USP39: variants seen among roughly 807,000 people sequenced by gnomAD.
USP39 encodes ubiquitin carboxyl-terminal hydrolase 39.
A neutral mutation model predicts 66.4 loss-of-function variants in USP39; 38 were observed. The observed-to-expected ratio is 0.57, with a 90% confidence interval of 0.44 to 0.75. USP39 has a LOEUF of 0.75. USP39 is among the 30% of genes least tolerant of loss of function. The pLI is 0.00. For synonymous variants in USP39, 303 were observed against 274.6 expected (o/e 1.10, Z -1.02); for missense variants, 608 against 714.4 (o/e 0.85, Z 1.70).
chr2:85,611,854 C>G (rs1573379361), upstream of USP39: 1 of 1,598,140 alleles, frequency 6.3e-7, no homozygotes, highest in African/African-American at 1.3e-5. Context: ...GTGGTGGCGG[C>G]GGCGGCGCAG....
chr2:85,643,220 G>C (rs1676377084), intron 10 of USP39, among the ~76,000 whole-genome samples: 1 of 152,166 alleles, frequency 6.6e-6, no homozygotes, highest in Admixed American at 6.6e-5. Context: ...ACCAGGCACG[G>C]TGGCTCACAC....
chr2:85,633,620 T>TA (rs1675537806), intron 6 of USP39, among the ~76,000 whole-genome samples: 1 of 151,912 alleles, frequency 6.6e-6, no homozygotes, highest in Non-Finnish European at 1.5e-5. Context: ...TTTTAAAAAT[T>TA]ACCCAGGCAT....
Position 85,616,282 on chromosome 2 carries a change from G to GCGGGAGCGAGAT in USP39, c.96_107dup (p.Asp33_Arg36dup), listed in dbSNP as rs951898426. ...CGCGGGGCAGCTCCGGTCGCGTCAA[G>GCGGGAGCGAGAT]CGGGAGCGAGATCGGGAGCGGGAGC... On this transcript the variant is annotated inframe_insertion, in exon 1 of 13. Coordinates refer to ENST00000323701, the MANE Select transcript of USP39 (RefSeq NM_006590.4). 2 of 1,559,262 alleles carry GCGGGAGCGAGAT rather than the reference G, an allele frequency of 1.3e-6. No homozygotes were observed. The highest frequency in any genetic ancestry group is 8.7e-7 in the Non-Finnish European group (1 of 1,150,674).
rs113074652 is a variant in USP39 at position 85,644,866 on chromosome 2, T to C, written c.1428-82T>C. The stretch of plus-strand genomic sequence containing the variant: ...GGTCCTAAAATAGGGCTGAACAATT[T>C]TGTGGTCCGTTTGTGTAGGACAGTT... On this transcript the variant is annotated intron_variant, in intron 10 of 12. Transcript: ENST00000323701. 5.0e-5 allele frequency: 79 copies of C among 1,567,016 alleles called. 2 individuals are homozygous for C. In the Middle Eastern group the frequency reaches 5.0e-3, roughly 99 times the overall value.
intron 10 of USP39, among the ~76,000 whole-genome samples, chr2:85,642,963 G>A (rs1455882909): frequency 4.0e-5 from 6 of 151,896 alleles, no homozygotes; most frequent in Non-Finnish European, 8.8e-5. Flanking sequence ...TAGGCTGGGC[G>A]CAGTGGCTCA....
chr2:85,604,069 C>T (rs868004603), intron 1 of USP39, among the ~76,000 whole-genome samples: 1 of 152,172 alleles, frequency 6.6e-6, no homozygotes, highest in Non-Finnish European at 1.5e-5. Context: ...AGTTTGGCAA[C>T]ACTGGTGAGG....
intron 6 of USP39, among the ~76,000 whole-genome samples, chr2:85,633,584 A>G (rs1675533851): frequency 6.6e-6 from 1 of 152,088 alleles, no homozygotes; most frequent in Non-Finnish European, 1.5e-5. Context: ...ATCCTGCGTG[A>G]CATAGACCCT....
intron 6 of USP39, among the ~76,000 whole-genome samples, chr2:85,633,129 AT>A (rs543229075): frequency 1.3e-5 from 2 of 150,422 alleles, no homozygotes; most frequent in African/African-American, 2.4e-5. Context: ...GAAGGCTTTT[AT>A]TTTTTTTTGA....
upstream of USP39, chr2:85,612,332 A>T (rs1396208717): frequency 6.5e-7 from 1 of 1,536,132 alleles, no homozygotes; most frequent in South Asian, 1.2e-5. Context: ...CTCGATGCTT[A>T]CGGCGGTGCC....
At chr2:85,637,896 A>G (rs1282739712) in intron 8 of USP39, among the ~76,000 whole-genome samples, 5 of 151,952 alleles carry the variant, frequency 3.3e-5, no homozygotes, top group African/African-American at 7.3e-5. Flanking sequence ...GGGCTTCACC[A>G]TGTTGGTCCA....
chr2:85,609,302 C>G, upstream of USP39: 1 of 1,360,860 alleles, frequency 7.3e-7, no homozygotes, highest in South Asian at 1.4e-5. Flanking sequence ...AAGCACTGCC[C>G]GGCAGGCCTA....
rs1456954139 is a variant in USP39, at chr2:85,639,611, T to A, written c.1284+220T>A. The A allele has an allele frequency of 5.7e-5, 24 of 418,494 alleles. 1 individual carries two copies. In the South Asian group the frequency reaches 9.4e-4, roughly 16 times the overall value. 25.9% of individuals were successfully genotyped at this position (418,494 alleles called of 1,614,324 possible). On this transcript the variant is annotated intron_variant, in intron 9 of 12. Coordinates refer to ENST00000323701, the MANE Select transcript of USP39 (RefSeq NM_006590.4). ...CTGGGATTACAGACATCCGCCACCA[T>A]GACTGGCTAATTTTTTATATTTTTA...
chr2:85,616,320 G>A lies in USP39; in HGVS notation c.125G>A (p.Ser42Asn). The change falls in exon 1 of 13, where the codon AGC (serine) becomes AAC (asparagine). Residue 42 changes from serine (S) to asparagine (N), a missense_variant. Transcript: ENST00000323701. ...RDREREPEAA[S>N]SRGSPVRVKR... is the part of the protein sequence containing the mutation. Reference sequence around the variant, plus strand: ...CGGGAGCGGGAGCCTGAGGCGGCGAGCTCCCGGGGCAGCCCTGTGCGCGTG... The same window carrying A: ...CGGGAGCGGGAGCCTGAGGCGGCGAACTCCCGGGGCAGCCCTGTGCGCGTG... The A allele has an allele frequency of 6.3e-7, 1 of 1,585,522 alleles. No individual in the cohort carries two copies. The highest frequency in any genetic ancestry group is 8.6e-7 in the Non-Finnish European group (1 of 1,164,912).
At chr2:85,611,930 G>A (rs377439765), upstream of USP39, 348 of 1,587,648 alleles carry the variant, frequency 2.2e-4, 1 homozygote, top group South Asian at 3.5e-4. Flanking sequence ...TTCATGTCCA[G>A]CCGCCCCCCA....
intron 6 of USP39, among the ~76,000 whole-genome samples, chr2:85,632,480 C>T (rs10191726): frequency 0.078 from 11,374 of 145,204 alleles, 911 homozygotes; most frequent in East Asian, 0.31. Flanking sequence ...CAGAGTCTTG[C>T]TCTGTTGCCC....
chr2:85,608,732 ATTC>A, upstream of USP39: 1 of 293,822 alleles, frequency 3.4e-6, no homozygotes, highest in Non-Finnish European at 6.1e-6. Flanking sequence ...AAAAAAAAGA[ATTC>A]CAGAATATCA....
upstream of USP39, among the ~76,000 whole-genome samples, chr2:85,609,752 G>A (rs1673386726): frequency 6.6e-6 from 1 of 152,158 alleles, no homozygotes; most frequent in Non-Finnish European, 1.5e-5. Flanking sequence ...TGCAATCTCG[G>A]CTCACTGCAA....
chr2:85,637,508 C>T, intron 8 of USP39, 72 bp downstream of exon 8: 1 of 1,515,506 alleles, frequency 6.6e-7, no homozygotes, highest in South Asian at 1.1e-5. Context: ...TGAAGAGATG[C>T]TCAGAGAACT....
intron 4 of USP39, among the ~76,000 whole-genome samples, 159 bp from the exon 5 acceptor site, chr2:85,625,380 G>A (rs1442501093): frequency 2.0e-5 from 3 of 152,212 alleles, no homozygotes; most frequent in Admixed American, 6.5e-5. Context: ...GATCTACTCC[G>A]TGTTACTTCA....
Sources: gnomAD v4.1 joint callset for allele counts (sites outside exome capture counted in the v4.1 genomes callset) on GRCh38, gnomAD v4.1.1 for gene constraint, MANE v1.5 for transcripts, NCBI Gene and HGNC (gene_info 2026-07-23, HGNC 2026-07-21) for gene names.